Variants in MTNR1A observed in about 807,000 individuals in gnomAD.
The protein encoded by MTNR1A is melatonin receptor 1A, also known as melatonin receptor type 1A.
In MTNR1A, 7 loss-of-function variants were observed where a neutral mutation model predicts 5.5. The observed-to-expected ratio is 1.28, with a 90% CI of 0.73 to 2.40. The LOEUF (loss-of-function observed/expected upper bound fraction) is 2.40, where lower values mean the gene tolerates loss of function less well. Among genes scored for constraint, MTNR1A ranks in the 30% most tolerant of loss-of-function variants. The probability of loss-of-function intolerance (pLI) is 0.00; values close to 1 mark genes in which losing one functional copy is unlikely to be tolerated. For synonymous variants in MTNR1A, 196 were observed against 202.7 expected (o/e 0.97, Z 0.28); for missense variants, 441 against 464.4 (o/e 0.95, Z 0.46).
chr4:186,544,836 C>T (rs947847210), intron 1 of MTNR1A, among the ~76,000 whole-genome samples: 5 of 152,184 alleles, frequency 3.3e-5, no homozygotes, highest in Non-Finnish European at 5.9e-5. Context: ...CATTTCTCCC[C>T]AAAGTGTCTG....
chr4:186,551,913 T>C (rs1737273782), intron 1 of MTNR1A, among the ~76,000 whole-genome samples: 1 of 152,162 alleles, frequency 6.6e-6, no homozygotes, highest in South Asian at 2.1e-4. Context: ...TTTAAAAACA[T>C]ATACTGACAA....
chr4:186,539,213 TAA>T (rs59170135), intron 1 of MTNR1A, among the ~76,000 whole-genome samples: 4 of 115,808 alleles, frequency 3.5e-5, no homozygotes, highest in Admixed American at 9.5e-5. Context: ...AAGACTCCAT[TAA>T]AAAAAAAAAA....
At chr4:186,546,050 A>T (rs1255970049) in intron 1 of MTNR1A, among the ~76,000 whole-genome samples, 1 of 152,210 alleles carries the variant, frequency 6.6e-6, no homozygotes, top group Non-Finnish European at 1.5e-5. Context: ...GCCACTTGCT[A>T]ACGTGACCTC....
intron 1 of MTNR1A, among the ~76,000 whole-genome samples, chr4:186,537,136 T>C (rs1309653678): frequency 6.6e-6 from 1 of 152,236 alleles, no homozygotes; most frequent in African/African-American, 2.4e-5. Flanking sequence ...GATCATTGAT[T>C]CTTTGAATTA....
At chr4:186,548,673 C>T (rs1368796913) in intron 1 of MTNR1A, among the ~76,000 whole-genome samples, 3 of 151,540 alleles carry the variant, frequency 2.0e-5, no homozygotes, top group East Asian at 1.9e-4. Context: ...CTATGTCACA[C>T]GCATGAGATG....
intron 1 of MTNR1A, among the ~76,000 whole-genome samples, chr4:186,546,594 G>A (rs13128153): frequency 1.3e-4 from 19 of 148,488 alleles, no homozygotes; most frequent in African/African-American, 2.8e-4. Flanking sequence ...CATGAGACAC[G>A]CTGCTCACCT....
intron 1 of MTNR1A, among the ~76,000 whole-genome samples, chr4:186,535,218 G>A (rs1736819288): frequency 6.6e-6 from 1 of 152,142 alleles, no homozygotes; most frequent in South Asian, 2.1e-4. Context: ...TGAGCGCCAT[G>A]TACCGTGTCT....
At chr4:186,541,052 T>G (rs1899434) in intron 1 of MTNR1A, among the ~76,000 whole-genome samples, 7 of 152,132 alleles carry the variant, frequency 4.6e-5, no homozygotes, top group Admixed American at 2.6e-4. Flanking sequence ...GGCCACAGCC[T>G]GCGTTCCCAC....
rs111444741 is a variant in MTNR1A, at chr4:186,535,342, A to T, written c.185-785T>A. 1.6e-3 allele frequency among the ~76,000 whole-genome samples: 238 copies of T among 152,224 alleles called. 2 individuals are homozygous for T. The highest frequency in any genetic ancestry group is 5.3e-3 in the African/African-American group (221 of 41,530). On this transcript the variant is annotated intron_variant, in intron 1 of 1. Coordinates refer to ENST00000307161, the MANE Select transcript of MTNR1A (RefSeq NM_005958.4). ...ACGTTACAAAACTTAAACCCTAAAT[A>T]GTCTGTTAATTTTCTCAATTAATAT... is the stretch of plus-strand genomic sequence containing the variant.
In MTNR1A at chr4:186,534,235, C is replaced by T. The variant is rs200759422; in HGVS notation, c.507G>A (p.Gln169=). Residue 169 remains glutamine, a synonymous_variant, in exon 2 of 2, where the codon CAG becomes CAA. Coordinates refer to ENST00000307161, the MANE Select transcript of MTNR1A (RefSeq NM_005958.4). The part of the protein sequence containing the change: ...VLPNLRAGTL[Q]YDPRIYSCTF... ...TGCACGAGTAGATCCTCGGGTCGTA[C>T]TGGAGAGTCCCTGCACGGAGGTTGG... 253 of 1,614,008 alleles carry T rather than the reference C, an allele frequency of 1.6e-4. No homozygotes were observed. Among genetic ancestry groups the T allele is most frequent in the Admixed American group, 5.2e-4 (31 of 59,992 alleles).
chr4:186,539,416 G>T (rs1325885451), intron 1 of MTNR1A, among the ~76,000 whole-genome samples: 2 of 152,156 alleles, frequency 1.3e-5, no homozygotes, highest in African/African-American at 2.4e-5. Flanking sequence ...CCTGAAGGCT[G>T]CTCAGCCACC....
Position 186,533,894 on chromosome 4 carries a change from A to C in MTNR1A, c.848T>G (p.Met283Arg). 1 of 1,614,052 alleles carries C rather than the reference A, an allele frequency of 6.2e-7. No homozygotes were observed. The highest frequency in any genetic ancestry group is 2.2e-5 in the East Asian group (1 of 44,890). The change falls in exon 2 of 2, where the codon ATG (methionine) becomes AGG (arginine). Residue 283 changes from methionine to arginine, a missense_variant. Met to Arg is a moderately conservative substitution (Grantham distance 91). Transcript: ENST00000307161. ...PEWLFVASYY[M>R]AYFNSCLNAI... ...ATTGAGGCAGCTGTTGAAATACGCC[A>C]TGTAGTAACTGGCCACAAACAGCCA...
Position 186,534,406 on chromosome 4 carries a change from G to A in MTNR1A, c.336C>T (p.Ile112=), listed in dbSNP as rs751040971. 25 of 1,613,948 alleles carry A rather than the reference G, an allele frequency of 1.5e-5. No individual in the cohort carries two copies. The highest frequency in any genetic ancestry group is 1.3e-4 in the East Asian group (6 of 44,884). ...TGCCGGTGATGTTGAATATGGAGCCGATGACGCTCAGGCCCATCAGGAACC... is the reference window on the plus strand; with the variant it reads ...TGCCGGTGATGTTGAATATGGAGCCAATGACGCTCAGGCCCATCAGGAACC... ...VSGFLMGLSV[I]GSIFNITGIA... Residue 112 remains isoleucine (I), a synonymous_variant, in exon 2 of 2, where the codon ATC becomes ATT. Coordinates refer to ENST00000307161, the MANE Select transcript of MTNR1A (RefSeq NM_005958.4).
intron 1 of MTNR1A, among the ~76,000 whole-genome samples, chr4:186,546,834 G>A (rs1305290719): frequency 1.2e-4 from 17 of 144,190 alleles, no homozygotes; most frequent in East Asian, 6.2e-4. Context: ...GGGACACACC[G>A]TCCACACCAC....
intron 1 of MTNR1A, among the ~76,000 whole-genome samples, chr4:186,538,005 A>T (rs947423881): frequency 6.6e-6 from 1 of 152,264 alleles, no homozygotes; most frequent in African/African-American, 2.4e-5. Context: ...GTGGAAGTGA[A>T]ATATGGCACA....
chr4:186,552,728 T>C (rs1737288841), intron 1 of MTNR1A, among the ~76,000 whole-genome samples: 1 of 152,076 alleles, frequency 6.6e-6, no homozygotes, highest in South Asian at 2.1e-4. Flanking sequence ...GTTTGGTATT[T>C]AGCTTCACTG....
intron 1 of MTNR1A, among the ~76,000 whole-genome samples, chr4:186,552,509 G>A (rs920044334): frequency 8.5e-5 from 13 of 152,136 alleles, no homozygotes; most frequent in Admixed American, 2.6e-4. Flanking sequence ...AAAAATGCAC[G>A]AATCATAGGT....
Position 186,533,958 on chromosome 4 carries a change from C to T in MTNR1A, c.784G>A (p.Ala262Thr), listed in dbSNP as rs1308582997. 1.2e-6 allele frequency: 2 copies of T among 1,614,144 alleles called. No homozygotes were observed. Among genetic ancestry groups the T allele is most frequent in the Admixed American group, 3.3e-5 (2 of 60,016 alleles). ...GGCACCATGCTGGCGGGGTCAGAGGCCACGGCCAGGCCAATGAAGTTCAGA... is the reference window on the plus strand; with the variant it reads ...GGCACCATGCTGGCGGGGTCAGAGGTCACGGCCAGGCCAATGAAGTTCAGA... ...APLNFIGLAV[A>T]SDPASMVPRI... The change falls in exon 2 of 2, where the codon GCC becomes ACC. Residue 262 changes from alanine to threonine, a missense_variant. Coordinates refer to ENST00000307161, the MANE Select transcript of MTNR1A (RefSeq NM_005958.4).
intron 1 of MTNR1A, among the ~76,000 whole-genome samples, chr4:186,551,067 C>T (rs749655784): frequency 1.3e-4 from 20 of 152,198 alleles, no homozygotes; most frequent in Non-Finnish European, 2.5e-4. Context: ...CAACAAGAAA[C>T]CTCTCGGCTT....
Sources: allele counts gnomAD v4.1 joint callset (sites outside exome capture counted in the v4.1 genomes callset), GRCh38; gene constraint gnomAD v4.1.1; transcripts MANE v1.5; gene names NCBI Gene and HGNC (gene_info 2026-07-23, HGNC 2026-07-21).